The following GFRA2 variants were observed in gnomAD, a reference collection of about 807,000 sequenced individuals.
GFRA2 encodes the protein GDNF family receptor alpha-2.
GFRA2 carries 17 observed loss-of-function variants against 48.3 expected under a neutral mutation model. The observed-to-expected ratio is 0.35, with a 90% CI of 0.24 to 0.53. The LOEUF is 0.53. GFRA2 is among the 20% of genes least tolerant of loss of function. GFRA2 has a pLI of 0.93. For missense variants in GFRA2, 660 were observed against 637.3 expected (o/e 1.04, Z -0.38); for synonymous variants, 305 against 257.2 (o/e 1.19, Z -1.78).
At chr8:21,773,596 C>T (rs1806545209) in intron 3 of GFRA2, among the ~76,000 whole-genome samples, 1 of 152,210 alleles carries the variant, frequency 6.6e-6, no homozygotes, top group South Asian at 2.1e-4. Context: ...GGTTTATGGT[C>T]CTCCAAAACT....
intron 1 of GFRA2, 88 bp from the exon 2 acceptor site, chr8:21,782,987 G>A (rs887990081): frequency 1.0e-5 from 13 of 1,280,384 alleles, no homozygotes; most frequent in Admixed American, 5.9e-5. Context: ...GGGCCCTGCT[G>A]GGAACGTCAC....
intron 4 of GFRA2, among the ~76,000 whole-genome samples, chr8:21,733,263 C>T (rs1804288810): frequency 6.6e-6 from 1 of 152,110 alleles, no homozygotes; most frequent in South Asian, 2.1e-4. Context: ...CCTGCAGGCA[C>T]CGACCTCCCC....
At chr8:21,801,277 A>G (rs1463247825) in intron 2 of GFRA2, among the ~76,000 whole-genome samples, 1 of 152,064 alleles carries the variant, frequency 6.6e-6, no homozygotes, top group Non-Finnish European at 1.5e-5. Context: ...GTCACCCCTC[A>G]GGCCTCCCAA....
chr8:21,704,112 T>A (rs1254773440), intron 6 of GFRA2, among the ~76,000 whole-genome samples: 1 of 152,224 alleles, frequency 6.6e-6, no homozygotes, highest in Non-Finnish European at 1.5e-5. Flanking sequence ...GTAGCAAGGC[T>A]ACGTGATTGG....
At chr8:21,791,109 C>T (rs1288033775), upstream of GFRA2, among the ~76,000 whole-genome samples, 2 of 152,088 alleles carry the variant, frequency 1.3e-5, no homozygotes, top group African/African-American at 4.8e-5. Flanking sequence ...CTCTCCCCTT[C>T]CCCACAAAAA....
intron 4 of GFRA2, among the ~76,000 whole-genome samples, chr8:21,730,686 T>C (rs1804144114): frequency 6.6e-6 from 1 of 151,928 alleles, no homozygotes; most frequent in Non-Finnish European, 1.5e-5. Context: ...CCACACAAGC[T>C]CACTCAGACT....
intron 3 of GFRA2, among the ~76,000 whole-genome samples, chr8:21,768,326 A>C (rs1806278855): frequency 6.6e-6 from 1 of 152,230 alleles, no homozygotes; most frequent in Non-Finnish European, 1.5e-5. Flanking sequence ...CAGGGAGACA[A>C]CCTGAGGATA....
intron 4 of GFRA2, among the ~76,000 whole-genome samples, chr8:21,716,308 G>GGAA (rs576665215): frequency 1.4e-5 from 2 of 144,116 alleles, no homozygotes; most frequent in African/African-American, 5.1e-5. Context: ...GGGAAACAAA[G>GGAA]AAAAAAAAAA....
intron 7 of GFRA2, among the ~76,000 whole-genome samples, chr8:21,701,072 A>G (rs4739282): frequency 0.015 from 2,315 of 152,362 alleles, 108 homozygotes; most frequent in Admixed American, 0.11. Flanking sequence ...CGACACTTCC[A>G]GCTCCCAGCA....
At chr8:21,767,217 A>AAC (rs1208590185) in intron 3 of GFRA2, among the ~76,000 whole-genome samples, 3 of 139,824 alleles carry the variant, frequency 2.1e-5, no homozygotes, top group Admixed American at 1.6e-4. Flanking sequence ...ACCATGCCCA[A>AAC]ACACACACAC....
intron 2 of GFRA2, among the ~76,000 whole-genome samples, chr8:21,777,740 C>T (rs1029848394): frequency 1.8e-4 from 28 of 152,154 alleles, no homozygotes; most frequent in African/African-American, 4.8e-4. Flanking sequence ...GCCGTGGGAT[C>T]GCCCCCAAGA....
rs1429224214 is a variant in GFRA2 at position 21,788,136 on chromosome 8, G to A, written c.24C>T (p.Cys8=). MILANVF[C]LFFFLDETLR... ...GGTACTCACCTAGAAAGAAGAAGAG[G>A]CAGAAGACGTTTGCCAAGATCATGT... The change falls in exon 1 of 9, where the codon TGC becomes TGT. Residue 8 remains cysteine, a synonymous_variant. Coordinates refer to ENST00000524240, the MANE Select transcript of GFRA2 (RefSeq NM_001495.5). 26 of 1,600,282 alleles carry A rather than the reference G, an allele frequency of 1.6e-5. No individual in the cohort carries two copies. In the Admixed American group the frequency reaches 3.4e-4, roughly 21 times the overall value.
At chr8:21,693,450 GAAAAC>G in intron 8 of GFRA2, 50 bp from the exon 9 acceptor site, 1 of 1,546,700 alleles carries the variant, frequency 6.5e-7, no homozygotes, top group Non-Finnish European at 8.8e-7. Context: ...TGAAAACAAA[GAAAAC>G]AGTCAGGAGG....
chr8:21,804,200 GCACACACACA>G (rs146613602), intron 2 of GFRA2, among the ~76,000 whole-genome samples: 5 of 145,146 alleles, frequency 3.4e-5, no homozygotes, highest in Admixed American at 1.4e-4. Context: ...ATACATACAT[GCACACACACA>G]CACACACACA....
chr8:21,780,438 C>G (rs554362362), intron 2 of GFRA2, among the ~76,000 whole-genome samples: 91 of 152,218 alleles, frequency 6.0e-4, no homozygotes, highest in African/African-American at 2.1e-3. Context: ...TCTCAGCTCC[C>G]TGCAGGCTCC....
chr8:21,797,371 G>C (rs1807696941), intron 2 of GFRA2: 1 of 135,348 alleles, frequency 7.4e-6, no homozygotes, highest in East Asian at 2.4e-4. Context: ...GCTCACTGCA[G>C]CTTCAGCCTC....
intron 3 of GFRA2, among the ~76,000 whole-genome samples, chr8:21,771,770 G>C (rs1270670656): frequency 4.6e-5 from 7 of 152,146 alleles, no homozygotes; most frequent in African/African-American, 1.2e-4. Flanking sequence ...CCCACCTGGA[G>C]GTAGTACAAC....
chr8:21,801,227 G>A (rs1455830109), intron 2 of GFRA2, among the ~76,000 whole-genome samples: 2 of 152,090 alleles, frequency 1.3e-5, no homozygotes, highest in African/African-American at 4.8e-5. Flanking sequence ...ATCAGACCCA[G>A]GAATATGAAT....
chr8:21,730,642 G>A (rs773302644), intron 4 of GFRA2, among the ~76,000 whole-genome samples: 2 of 151,996 alleles, frequency 1.3e-5, no homozygotes, highest in Admixed American at 6.6e-5. Context: ...ACATACAAAC[G>A]CACACAGGTA....
Sources: gnomAD v4.1 joint callset for allele counts (sites outside exome capture counted in the v4.1 genomes callset) on GRCh38, gnomAD v4.1.1 for gene constraint, MANE v1.5 for transcripts, NCBI Gene and HGNC (gene_info 2026-07-23, HGNC 2026-07-21) for gene names.